The following TYR variants were observed in gnomAD, a reference collection of about 807,000 sequenced individuals.
The protein encoded by TYR is tyrosinase.
A neutral mutation model predicts 51.5 loss-of-function variants in TYR; 58 were observed. The ratio of observed to expected loss-of-function variants is 1.13; its 90% CI spans 0.91 to 1.40. The LOEUF (loss-of-function observed/expected upper bound fraction) is 1.40. TYR is among the 40% of genes most tolerant of loss of function. The probability of loss-of-function intolerance (pLI) is 0.00; values close to 1 mark genes in which losing one functional copy is unlikely to be tolerated. For missense variants in TYR, 732 were observed against 647.4 expected, an observed-to-expected ratio of 1.13 and a Z score of -1.42; for synonymous variants, 263 against 235.2, an observed-to-expected ratio of 1.12 and a Z score of -1.08.
intron 3 of TYR, among the ~76,000 whole-genome samples, chr11:89,251,857 C>T (rs1944333837): frequency 6.6e-6 from 1 of 151,802 alleles, no homozygotes; most frequent in African/African-American, 2.4e-5. Flanking sequence ...GCTAATCAGA[C>T]AGTTGCTCAT....
At chr11:89,201,546 A>T (rs1943598929) in intron 2 of TYR, among the ~76,000 whole-genome samples, 1 of 152,250 alleles carries the variant, frequency 6.6e-6, no homozygotes, top group Non-Finnish European at 1.5e-5. Flanking sequence ...TATGGACATT[A>T]AGTGAAACTT....
At chr11:89,223,707 T>G (rs1278967612) in intron 2 of TYR, among the ~76,000 whole-genome samples, 1 of 152,190 alleles carries the variant, frequency 6.6e-6, no homozygotes, top group East Asian at 1.9e-4. Context: ...ATTTGATCTC[T>G]AATTCTGAGG....
At chr11:89,263,132 C>A (rs894358147) in intron 3 of TYR, among the ~76,000 whole-genome samples, 1 of 151,688 alleles carries the variant, frequency 6.6e-6, no homozygotes, top group Non-Finnish European at 1.5e-5. Flanking sequence ...AACTGCCCAG[C>A]AGCATATAAA....
chr11:89,205,050 C>G (rs1943653743), intron 2 of TYR, among the ~76,000 whole-genome samples: 1 of 151,910 alleles, frequency 6.6e-6, no homozygotes, highest in Non-Finnish European at 1.5e-5. Context: ...AATAGAATGA[C>G]TTCGCAAGAA....
chr11:89,265,056 G>C (rs944482087), intron 3 of TYR, among the ~76,000 whole-genome samples: 4 of 151,984 alleles, frequency 2.6e-5, no homozygotes, highest in Admixed American at 6.6e-5. Context: ...CCTCTGAGAA[G>C]CTCATATTTT....
intron 1 of TYR, among the ~76,000 whole-genome samples, chr11:89,188,226 G>A (rs1943401384): frequency 6.6e-6 from 1 of 151,762 alleles, no homozygotes; most frequent in Non-Finnish European, 1.5e-5. Flanking sequence ...AGGCAATATG[G>A]TATAGACATT....
chr11:89,295,035 G>T, intron 4 of TYR, 108 bp from the exon 5 acceptor site: 1 of 1,533,590 alleles, frequency 6.5e-7, no homozygotes, highest in Admixed American at 1.9e-5. Context: ...AGTAGAGCTG[G>T]CCTTCAAACC....
intron 1 of TYR, among the ~76,000 whole-genome samples, chr11:89,181,785 T>C (rs1439284985): frequency 1.3e-5 from 2 of 151,950 alleles, no homozygotes; most frequent in Non-Finnish European, 2.9e-5. Flanking sequence ...ATCTGAGGAC[T>C]AAAACCAAGC....
chr11:89,263,225 C>T (rs1944483805), intron 3 of TYR, among the ~76,000 whole-genome samples: 1 of 151,640 alleles, frequency 6.6e-6, no homozygotes, highest in Non-Finnish European at 1.5e-5. Flanking sequence ...ATTTATTATA[C>T]CACATTAATA....
chr11:89,276,221 A>G (rs867816378), intron 3 of TYR, among the ~76,000 whole-genome samples: 1 of 151,872 alleles, frequency 6.6e-6, no homozygotes, highest in African/African-American at 2.4e-5. Context: ...GAAAGAAAAA[A>G]GAGTGATTGT....
Position 89,295,206 on chromosome 11 carries a change from G to A in TYR, c.1430G>A (p.Trp477Ter), listed in dbSNP as rs1944894003. The A allele has an allele frequency of 6.2e-7, 1 of 1,613,866 alleles. No homozygotes were observed. The highest frequency in any genetic ancestry group is 8.5e-7 in the Non-Finnish European group (1 of 1,179,860). ...GAACAAGCGAGTCGGATCTGGTCAT[G>A]GCTCCTTGGGGCGGCGATGGTAGGG... is the stretch of plus-strand genomic sequence containing the variant. ...YLEQASRIWS[W>*]LLGAAMVGAV... is the part of the protein sequence containing the mutation. The change falls in exon 5 of 5, where the codon TGG becomes TAG. Residue 477 changes from tryptophan to a stop codon, truncating the protein, a stop_gained. Transcript: ENST00000263321. LOFTEE classifies it high-confidence loss of function.
chr11:89,257,000 G>A (rs1944400187), intron 3 of TYR, among the ~76,000 whole-genome samples: 1 of 152,042 alleles, frequency 6.6e-6, no homozygotes, highest in African/African-American at 2.4e-5. Flanking sequence ...AACTTCTTAA[G>A]AGGAATGATA....
intron 3 of TYR, 27 bp downstream of exon 3, chr11:89,227,997 C>A: frequency 6.2e-7 from 1 of 1,611,426 alleles, no homozygotes; most frequent in Non-Finnish European, 8.5e-7. Flanking sequence ...TTATAAATAA[C>A]GTGCTCATTG....
chr11:89,220,290 C>A (rs1295321169), intron 2 of TYR, among the ~76,000 whole-genome samples: 1 of 152,098 alleles, frequency 6.6e-6, no homozygotes, highest in East Asian at 1.9e-4. Flanking sequence ...AGAGCAGGAG[C>A]CAGCGTGAAG....
intron 3 of TYR, among the ~76,000 whole-genome samples, chr11:89,272,268 C>T (rs1944597214): frequency 6.6e-6 from 1 of 151,874 alleles, no homozygotes; most frequent in South Asian, 2.1e-4. Flanking sequence ...AAAATTACTC[C>T]TTAATCCATG....
chr11:89,289,911 A>G (rs1317444921), intron 4 of TYR, among the ~76,000 whole-genome samples: 3 of 152,082 alleles, frequency 2.0e-5, no homozygotes, highest in Non-Finnish European at 2.9e-5. Context: ...TTATCATTCT[A>G]TCATGATAAG....
chr11:89,269,697 C>A (rs1414516002), intron 3 of TYR, among the ~76,000 whole-genome samples: 2 of 151,856 alleles, frequency 1.3e-5, no homozygotes, highest in Non-Finnish European at 2.9e-5. Context: ...TTGAGATCGG[C>A]CACAGTTGAA....
chr11:89,268,233 G>A (rs1338766273), intron 3 of TYR, among the ~76,000 whole-genome samples: 2 of 151,788 alleles, frequency 1.3e-5, no homozygotes, highest in African/African-American at 4.8e-5. Flanking sequence ...GGCATACAGT[G>A]GTATATGAGC....
chr11:89,185,309 T>C (rs1943356198), intron 1 of TYR, among the ~76,000 whole-genome samples: 1 of 151,980 alleles, frequency 6.6e-6, no homozygotes. Context: ...TCAATATAGG[T>C]TTAAAAAAAT....
Sources: gnomAD v4.1 joint callset for allele counts (sites outside exome capture counted in the v4.1 genomes callset) on GRCh38, gnomAD v4.1.1 for gene constraint, MANE v1.5 for transcripts, NCBI Gene and HGNC (gene_info 2026-07-23, HGNC 2026-07-21) for gene names.